The following PCDH19 variants were observed in gnomAD, a reference collection of about 807,000 sequenced individuals.
PCDH19 encodes protocadherin 19, also known as protocadherin-19.
In PCDH19, 6 loss-of-function variants were observed where a neutral mutation model predicts 46.2. The ratio of observed to expected loss-of-function variants is 0.13; its 90% confidence interval spans 0.07 to 0.26. PCDH19 has a LOEUF of 0.26. PCDH19 is among the 10% of genes least tolerant of loss of function. The pLI, the probability that PCDH19 is intolerant of heterozygous loss-of-function variation, is 1.00. For synonymous variants in PCDH19, 481 were observed against 415.7 expected (o/e 1.16, Z -1.91); for missense variants, 740 against 972.3 (o/e 0.76, Z 3.18).
At chrX:100,351,718 T>G (rs1195856317) in intron 3 of PCDH19, among the ~76,000 whole-genome samples, 2 of 111,664 alleles carry the variant, frequency 1.8e-5, no homozygotes, top group East Asian at 5.6e-4. Context: ...CAACTGGGAG[T>G]GTTTGGAAAA....
At chrX:100,397,202 A>G (rs1928049718) in intron 3 of PCDH19, among the ~76,000 whole-genome samples, 1 of 112,256 alleles carries the variant, frequency 8.9e-6, no homozygotes, top group African/African-American at 3.2e-5. Context: ...TTTAGGAACT[A>G]AAGTGTACTG....
intron 3 of PCDH19, among the ~76,000 whole-genome samples, chrX:100,363,856 C>CGTGTGTGTGTGTGT (rs1555980282): frequency 1.1e-5 from 1 of 88,991 alleles, no homozygotes; most frequent in Non-Finnish European, 2.1e-5. Flanking sequence ...AATGTGCGTG[C>CGTGTGTGTGTGTGT]GTGTGTGTGT....
chrX:100,402,376 CAAACCCTTAGTATGA>C, intron 3 of PCDH19, 133 bp downstream of exon 3: 1 of 533,256 alleles, frequency 1.9e-6, no homozygotes, highest in Non-Finnish European at 3.2e-6. Context: ...GCACTGATAG[CAAACCCTTAGTATGA>C]AAATGGGCAT....
At chrX:100,377,813 G>C (rs1437946977) in intron 3 of PCDH19, among the ~76,000 whole-genome samples, 2 of 112,324 alleles carry the variant, frequency 1.8e-5, no homozygotes, top group African/African-American at 6.5e-5. Context: ...CTGAGAGGCA[G>C]TGAGGTGTAA....
intron 4 of PCDH19, among the ~76,000 whole-genome samples, chrX:100,349,959 A>T (rs1192548887): frequency 8.9e-6 from 1 of 112,297 alleles, no homozygotes; most frequent in Non-Finnish European, 1.9e-5. Context: ...GGCTCCTTGG[A>T]TACTAAATTA....
At chrX:100,392,141 A>G (rs1927882014) in intron 3 of PCDH19, among the ~76,000 whole-genome samples, 1 of 112,374 alleles carries the variant, frequency 8.9e-6, no homozygotes, top group South Asian at 3.8e-4. Flanking sequence ...GCCCAGTGCC[A>G]TGGTATTTAT....
intron 3 of PCDH19, among the ~76,000 whole-genome samples, chrX:100,380,325 T>C (rs1379345737): frequency 1.8e-5 from 2 of 111,664 alleles, no homozygotes; most frequent in African/African-American, 6.5e-5. Context: ...TCAGCTCAAA[T>C]ATTACTTCCC....
chrX:100,407,271 T>G lies in PCDH19; in HGVS notation c.1327A>C (p.Ile443Leu). 8.3e-7 allele frequency: 1 copy of G among 1,212,117 alleles called. No homozygotes were observed. The highest frequency in any genetic ancestry group is 1.1e-6 in the Non-Finnish European group (1 of 895,566). ...GGGTGGTTGTCATTTTCGTCAGTGA[T>G]GAGCACGGTAAAGGACTTGGCACTC... is the stretch of plus-strand genomic sequence containing the variant. ...LQSAKSFTVLITDENDNHPHF... is the reference protein window; with the variant it reads ...LQSAKSFTVLLTDENDNHPHF... The change falls in exon 1 of 6, where the codon ATC (isoleucine) becomes CTC (leucine). Residue 443 changes from isoleucine (I) to leucine (L), a missense_variant. Transcript: ENST00000373034.
intron 5 of PCDH19, 113 bp from the exon 6 acceptor site, chrX:100,296,988 T>C: frequency 1.5e-6 from 1 of 682,128 alleles, no homozygotes; most frequent in East Asian, 3.3e-5. Context: ...AATGGCACTT[T>C]TAGGTAGTCC....
chrX:100,410,034 G>A lies in PCDH19; in HGVS notation c.-1437C>T, dbSNP rs899117143. The A allele has an allele frequency of 3.1e-5, 9 of 295,036 alleles. No homozygotes were observed. Among genetic ancestry groups the A allele is most frequent in the African/African-American group, 2.2e-4 (8 of 35,954 alleles). 24.3% of individuals were successfully genotyped at this position (295,036 alleles called of 1,213,427 possible). On this transcript the variant is annotated 5_prime_UTR_variant, in exon 1 of 6. Transcript: ENST00000373034. ...AGTGTGGAGTATGAGCAAGCAGGAGGCAATGGGTTTGGGGTAGGAGGTTTA... is the reference window on the plus strand; with the variant it reads ...AGTGTGGAGTATGAGCAAGCAGGAGACAATGGGTTTGGGGTAGGAGGTTTA...
At chrX:100,301,993 A>G (rs911523980) in intron 5 of PCDH19, among the ~76,000 whole-genome samples, 2 of 111,836 alleles carry the variant, frequency 1.8e-5, no homozygotes, top group African/African-American at 6.5e-5. Context: ...AAATTCCTTA[A>G]AAGGGGAGAG....
intron 3 of PCDH19, among the ~76,000 whole-genome samples, chrX:100,393,363 G>A (rs966409704): frequency 2.7e-5 from 3 of 110,700 alleles, no homozygotes; most frequent in Non-Finnish European, 3.8e-5. Context: ...GGTCAGCCCA[G>A]CCGGCAAAGG....
intron 5 of PCDH19, among the ~76,000 whole-genome samples, chrX:100,341,188 G>A (rs888928673): frequency 1.3e-4 from 15 of 112,055 alleles, no homozygotes; most frequent in Non-Finnish European, 2.8e-4. Flanking sequence ...AAGCATGTGT[G>A]GCTGAGTTCC....
intron 3 of PCDH19, among the ~76,000 whole-genome samples, chrX:100,374,765 C>T (rs1479781516): frequency 2.7e-5 from 3 of 110,641 alleles, no homozygotes; most frequent in Non-Finnish European, 3.8e-5. Context: ...CAGTGAAACC[C>T]CGTCTCTACT....
chrX:100,343,770 A>T (rs1035242840), intron 4 of PCDH19, among the ~76,000 whole-genome samples: 2 of 111,995 alleles, frequency 1.8e-5, no homozygotes, highest in African/African-American at 6.5e-5. Context: ...ACAAGGAAGA[A>T]TGGCATGTTT....
intron 5 of PCDH19, among the ~76,000 whole-genome samples, chrX:100,340,277 C>T (rs926816903): frequency 8.9e-6 from 1 of 112,097 alleles, no homozygotes; most frequent in Non-Finnish European, 1.9e-5. Context: ...AAACTAGCTG[C>T]AGTTCCCTGA....
intron 3 of PCDH19, among the ~76,000 whole-genome samples, chrX:100,375,005 G>T (rs1927330567): frequency 1.8e-5 from 2 of 112,445 alleles, no homozygotes; most frequent in South Asian, 7.4e-4. Context: ...GAATGTTTGT[G>T]AAGGTAGGAA....
At position 100,408,123 on chromosome X, in the gene PCDH19, C is replaced by G; in HGVS notation, c.475G>C (p.Gly159Arg). Residue 159 changes from glycine to arginine, a missense_variant, in exon 1 of 6, where the codon GGA becomes CGA. By Grantham distance (125) the Gly-to-Arg change is moderately radical. This residue lies in a region of PCDH19 where 48 missense variants were observed against 43.2 expected (regional missense o/e 1.11). Transcript: ENST00000373034. ...TCGTAAGTCTGCACGCCAAAGCTTCCTGAGTCTGGATCGTAAGCGCTGTCC... is the reference window on the plus strand; with the variant it reads ...TCGTAAGTCTGCACGCCAAAGCTTCGTGAGTCTGGATCGTAAGCGCTGTCC... ...PLDSAYDPDSGSFGVQTYELT... is the reference protein window; with the variant it reads ...PLDSAYDPDSRSFGVQTYELT... 8.3e-7 allele frequency: 1 copy of G among 1,211,489 alleles called. No homozygotes were observed. The highest frequency in any genetic ancestry group is 1.1e-6 in the Non-Finnish European group (1 of 895,688).
chrX:100,407,203 G>A lies in PCDH19; in HGVS notation c.1395C>T (p.Asn465=). 8.3e-7 allele frequency: 1 copy of A among 1,211,810 alleles called. No homozygotes were observed. Among genetic ancestry groups the A allele is most frequent in the Non-Finnish European group, 1.1e-6 (1 of 895,514 alleles). Residue 465 remains asparagine, a synonymous_variant, in exon 1 of 6, where the codon AAC becomes AAT. Transcript: ENST00000373034. ...KPYYQVIVQE[N]NTPGAYLLSV... is the part of the protein sequence containing the mutation. ...AGAGCAGATAGGCGCCAGGCGTGTT[G>A]TTCTCCTGCACAATGACCTGGTAGT...
Sources: gnomAD v4.1 joint callset for allele counts (sites outside exome capture counted in the v4.1 genomes callset) on GRCh38, gnomAD v4.1.1 for gene constraint, gnomAD v4.1.1 regional missense constraint, MANE v1.5 for transcripts, NCBI Gene and HGNC (gene_info 2026-07-23, HGNC 2026-07-21) for gene names.